CACNA2D3: variants seen among roughly 807,000 people sequenced by gnomAD.
CACNA2D3 encodes calcium voltage-gated channel auxiliary subunit alpha2delta 3.
A neutral mutation model predicts 160.6 loss-of-function variants in CACNA2D3; 60 were observed. The observed-to-expected ratio is 0.37, with a 90% CI of 0.30 to 0.46. The LOEUF (loss-of-function observed/expected upper bound fraction) is 0.46, where lower values mean the gene tolerates loss of function less well. Ranked by LOEUF, CACNA2D3 falls within the 20% of genes least tolerant of loss-of-function variation. CACNA2D3 has a pLI of 1.00. For missense variants in CACNA2D3, 1,205 were observed against 1,365.0 expected, an observed-to-expected ratio of 0.88 and a Z score of 1.85; for synonymous variants, 558 against 492.9, an observed-to-expected ratio of 1.13 and a Z score of -1.75.
chr3:54,230,302 A>C (rs1701746837), intron 2 of CACNA2D3, among the ~76,000 whole-genome samples: 1 of 152,072 alleles, frequency 6.6e-6, no homozygotes, highest in Non-Finnish European at 1.5e-5. Flanking sequence ...CTAGCTTCTT[A>C]TTTAAGCTTC....
intron 5 of CACNA2D3, among the ~76,000 whole-genome samples, chr3:54,534,090 G>C (rs568373645): frequency 6.6e-6 from 1 of 152,048 alleles, no homozygotes; most frequent in Non-Finnish European, 1.5e-5. Flanking sequence ...CTCCTTGCAC[G>C]CTCTTCTGGT....
intron 2 of CACNA2D3, among the ~76,000 whole-genome samples, chr3:54,253,819 G>A (rs1252364620): frequency 6.6e-6 from 1 of 152,076 alleles, no homozygotes; most frequent in Non-Finnish European, 1.5e-5. Context: ...CCAGGCTGGA[G>A]TGCAGTGGCA....
At chr3:54,807,484 G>A (rs1703164344) in intron 13 of CACNA2D3, among the ~76,000 whole-genome samples, 1 of 152,128 alleles carries the variant, frequency 6.6e-6, no homozygotes, top group Non-Finnish European at 1.5e-5. Context: ...TCAGAGAAAT[G>A]CAAATCAAAA....
intron 2 of CACNA2D3, among the ~76,000 whole-genome samples, chr3:54,256,757 CAAAA>C (rs35227962): frequency 1.6e-4 from 17 of 107,012 alleles, no homozygotes; most frequent in Non-Finnish European, 2.8e-4. Context: ...GACTCCGTCT[CAAAA>C]AAAAAAAAAA....
At chr3:54,823,654 G>A (rs192665122) in intron 14 of CACNA2D3, among the ~76,000 whole-genome samples, 99 of 152,156 alleles carry the variant, frequency 6.5e-4, no homozygotes, top group African/African-American at 2.2e-3. Flanking sequence ...CAAAACCATA[G>A]TTCAAAAGGA....
intron 11 of CACNA2D3, among the ~76,000 whole-genome samples, chr3:54,691,436 G>C (rs932505462): frequency 2.6e-5 from 4 of 152,102 alleles, no homozygotes; most frequent in Non-Finnish European, 5.9e-5. Context: ...TGACTCACTT[G>C]CTTAGTTTCC....
chr3:54,216,858 C>T (rs572814480), intron 2 of CACNA2D3, among the ~76,000 whole-genome samples: 1 of 152,250 alleles, frequency 6.6e-6, no homozygotes, highest in East Asian at 1.9e-4. Context: ...CTTGTGTGTG[C>T]TTTGAGGATG....
chr3:54,274,229 T>TATATATATAA (rs918431140), intron 2 of CACNA2D3, among the ~76,000 whole-genome samples: 1 of 152,052 alleles, frequency 6.6e-6, no homozygotes, highest in Non-Finnish European at 1.5e-5. Flanking sequence ...TATATATATA[T>TATATATATAA]AAGAAATACG....
At chr3:54,905,601 A>G (rs1294822651) in intron 27 of CACNA2D3, among the ~76,000 whole-genome samples, 1 of 152,222 alleles carries the variant, frequency 6.6e-6, no homozygotes, top group Non-Finnish European at 1.5e-5. Context: ...TGATTAAACC[A>G]GTAGTTTCCA....
At chr3:55,036,021 GGT>G (rs1382694592) in intron 35 of CACNA2D3, among the ~76,000 whole-genome samples, 1 of 152,184 alleles carries the variant, frequency 6.6e-6, no homozygotes, top group African/African-American at 2.4e-5. Context: ...AGTTCCACCA[GGT>G]GTTGCCTGAA....
At chr3:54,389,640 T>C (rs1482420643) in intron 4 of CACNA2D3, among the ~76,000 whole-genome samples, 4 of 152,222 alleles carry the variant, frequency 2.6e-5, no homozygotes, top group Admixed American at 6.5e-5. Context: ...AACACAGTTA[T>C]GTAGAATTCT....
At chr3:54,687,480 C>T (rs550765166) in intron 11 of CACNA2D3, among the ~76,000 whole-genome samples, 1 of 152,020 alleles carries the variant, frequency 6.6e-6, no homozygotes, top group South Asian at 2.1e-4. Flanking sequence ...ACAAATTTTT[C>T]TAAGTTTTTT....
At chr3:54,610,034 G>A (rs932061102) in intron 9 of CACNA2D3, among the ~76,000 whole-genome samples, 44 of 152,070 alleles carry the variant, frequency 2.9e-4, no homozygotes, top group African/African-American at 9.9e-4. Flanking sequence ...GGTGGCTATC[G>A]ATCCTTGGCC....
chr3:55,021,136 G>A (rs764033660), intron 35 of CACNA2D3, among the ~76,000 whole-genome samples: 3 of 152,044 alleles, frequency 2.0e-5, no homozygotes, highest in Non-Finnish European at 4.4e-5. Flanking sequence ...TTGTATGTGT[G>A]TGTTTTTTCA....
intron 27 of CACNA2D3, among the ~76,000 whole-genome samples, chr3:54,923,799 A>C (rs1197120696): frequency 2.0e-5 from 3 of 152,180 alleles, no homozygotes; most frequent in African/African-American, 7.2e-5. Flanking sequence ...CAAGTCACTG[A>C]ACCTCTCTGG....
intron 11 of CACNA2D3, among the ~76,000 whole-genome samples, chr3:54,694,429 A>G (rs996643513): frequency 1.3e-5 from 2 of 152,260 alleles, no homozygotes; most frequent in African/African-American, 2.4e-5. Flanking sequence ...CTGTTATTAA[A>G]TGACACACAA....
At chr3:54,381,198 A>G (rs1699097431) in intron 3 of CACNA2D3, among the ~76,000 whole-genome samples, 1 of 152,160 alleles carries the variant, frequency 6.6e-6, no homozygotes, top group Non-Finnish European at 1.5e-5. Flanking sequence ...TAGCTTTAGC[A>G]TAAGAAATAA....
At chr3:54,576,211 A>G (rs1337120316) in intron 8 of CACNA2D3, among the ~76,000 whole-genome samples, 1 of 152,142 alleles carries the variant, frequency 6.6e-6, no homozygotes, top group African/African-American at 2.4e-5. Flanking sequence ...TCATCTCTCA[A>G]GTTCAGCTTC....
intron 5 of CACNA2D3, among the ~76,000 whole-genome samples, chr3:54,523,855 T>A (rs1288561488): frequency 1.3e-5 from 2 of 152,078 alleles, no homozygotes. Flanking sequence ...TAATATGCCC[T>A]CTTTCAGATT....
Sources: allele counts gnomAD v4.1 joint callset (sites outside exome capture counted in the v4.1 genomes callset), GRCh38; gene constraint gnomAD v4.1.1; transcripts MANE v1.5; gene names NCBI Gene and HGNC (gene_info 2026-07-23, HGNC 2026-07-21).